Variants in NR5A2 observed in about 807,000 individuals in gnomAD.
NR5A2 encodes nuclear receptor subfamily 5 group A member 2.
A neutral mutation model predicts 62.7 loss-of-function variants in NR5A2; 26 were observed. That is an observed-to-expected ratio of 0.41 (90% CI 0.30 to 0.58). NR5A2 has a LOEUF of 0.58. NR5A2 is among the 20% of genes least tolerant of loss of function. The probability of loss-of-function intolerance (pLI) is 0.22; values close to 1 mark genes in which losing one functional copy is unlikely to be tolerated. For missense variants in NR5A2, 541 were observed against 669.1 expected, an observed-to-expected ratio of 0.81 and a Z score of 2.11; for synonymous variants, 246 against 241.7, an observed-to-expected ratio of 1.02 and a Z score of -0.16.
chr1:200,039,312 A>G lies in NR5A2; in HGVS notation c.65-346A>G, dbSNP rs942621924. ...TGGCAGCGGCACAGCCGGGGCGGCAATAGCAGCCCCGCGGTCGCCTCCGCT... is the reference window on the plus strand; with the variant it reads ...TGGCAGCGGCACAGCCGGGGCGGCAGTAGCAGCCCCGCGGTCGCCTCCGCT... On this transcript the variant is annotated intron_variant, in intron 1 of 7. Transcript: ENST00000367362. This position sits in a 1 kb window ranked among gnomAD's most constrained non-coding sequence, Gnocchi z 5.1. 1.3e-5 allele frequency among the ~76,000 whole-genome samples: 2 copies of G among 151,974 alleles called. No homozygotes were observed. Among genetic ancestry groups the G allele is most frequent in the African/African-American group, 4.8e-5 (2 of 41,410 alleles).
chr1:200,086,760 C>T (rs1434555724), intron 5 of NR5A2, among the ~76,000 whole-genome samples: 2 of 151,998 alleles, frequency 1.3e-5, no homozygotes, highest in African/African-American at 2.4e-5. Context: ...GGGACAAGGC[C>T]GGGCAAGGTG....
Position 200,051,436 on chromosome 1 carries a change from C to T in NR5A2, c.1110+2618C>T, listed in dbSNP as rs183016681. On this transcript the variant is annotated intron_variant, in intron 5 of 7. Transcript: ENST00000367362. ...CATGAGGTTAAATATTTGGCTAAAA[C>T]ATAAATATCTTTGAGAATGGGGCAT... 2.6e-3 allele frequency among the ~76,000 whole-genome samples: 392 copies of T among 152,212 alleles called. 1 individual carries two copies. The highest frequency in any genetic ancestry group is 9.1e-3 in the African/African-American group (380 of 41,540).
At chr1:200,037,141 C>T (rs1174998693) in intron 1 of NR5A2, among the ~76,000 whole-genome samples, 1 of 152,158 alleles carries the variant, frequency 6.6e-6, no homozygotes, top group East Asian at 1.9e-4. Flanking sequence ...CTAAGCAAGT[C>T]CCTTCTGGCC....
intron 1 of NR5A2, among the ~76,000 whole-genome samples, chr1:200,036,458 A>G (rs1195896157): frequency 6.6e-6 from 1 of 152,186 alleles, no homozygotes; most frequent in Non-Finnish European, 1.5e-5. Context: ...GGGAGAAGAA[A>G]GGGTGCACTT....
chr1:200,037,409 T>C (rs1661830997), intron 1 of NR5A2, among the ~76,000 whole-genome samples: 1 of 152,226 alleles, frequency 6.6e-6, no homozygotes, highest in African/African-American at 2.4e-5. Context: ...CTTGCCATGC[T>C]AGGGTCTGGG....
In NR5A2 at chr1:200,076,406, A is replaced by C. The variant is rs992134439; in HGVS notation, c.1110+27588A>C. On this transcript the variant is annotated intron_variant, in intron 5 of 7. Coordinates refer to ENST00000367362, the MANE Select transcript of NR5A2 (RefSeq NM_205860.3). ...TACTATGTGGCAACTTTCCCAAATG[A>C]AATTGTTTGTGGATGGAAAAGAATG... is the stretch of plus-strand genomic sequence containing the variant. 2.0e-4 allele frequency among the ~76,000 whole-genome samples: 31 copies of C among 152,090 alleles called. 1 individual carries two copies. Among genetic ancestry groups the C allele is most frequent in the African/African-American group, 6.8e-4 (28 of 41,402 alleles).
chr1:200,072,516 T>C (rs138751181), intron 5 of NR5A2, among the ~76,000 whole-genome samples: 2 of 152,262 alleles, frequency 1.3e-5, no homozygotes, highest in African/African-American at 4.8e-5. Flanking sequence ...AAAACACCGT[T>C]GTATACCCCT....
At chr1:200,118,033 T>TC in intron 6 of NR5A2, among the ~76,000 whole-genome samples, 1 of 148,508 alleles carries the variant, frequency 6.7e-6, no homozygotes, top group Non-Finnish European at 1.5e-5. Flanking sequence ...TTTTTTTTTT[T>TC]TTTGAGACAG....
At chr1:200,086,851 C>G (rs1664552809) in intron 5 of NR5A2, among the ~76,000 whole-genome samples, 1 of 152,022 alleles carries the variant, frequency 6.6e-6, no homozygotes, top group Non-Finnish European at 1.5e-5. Flanking sequence ...CTAGCCTGAC[C>G]TACATGGTGA....
chr1:200,048,523 A>G lies in NR5A2; in HGVS notation c.815A>G (p.Glu272Gly). ...GHFPSRAIKS[E>G]YPDPYTSSPE... ...TTTCCTAGCCGGGCCATCAAGTCTGAGTACCCAGACCCCTATACCAGCTCA... is the reference window on the plus strand; with the variant it reads ...TTTCCTAGCCGGGCCATCAAGTCTGGGTACCCAGACCCCTATACCAGCTCA... Residue 272 changes from glutamate to glycine, a missense_variant, in exon 5 of 8, where the codon GAG becomes GGG. This residue lies in a region of NR5A2 where 379 missense variants were observed against 442.0 expected (regional missense o/e 0.86). Coordinates refer to ENST00000367362, the MANE Select transcript of NR5A2 (RefSeq NM_205860.3). This position sits in a 1 kb window ranked among gnomAD's most constrained non-coding sequence, Gnocchi z 4.8. The G allele has an allele frequency of 6.2e-7, 1 of 1,614,192 alleles. No homozygotes were observed. Among genetic ancestry groups the G allele is most frequent in the Non-Finnish European group, 8.5e-7 (1 of 1,180,036 alleles).
chr1:200,050,487 C>T (rs978839037), intron 5 of NR5A2, among the ~76,000 whole-genome samples: 4 of 152,294 alleles, frequency 2.6e-5, no homozygotes, highest in Non-Finnish European at 5.9e-5. Context: ...GATGTAACTA[C>T]TTATATTGAG....
chr1:200,125,261 A>G (rs1463028036), intron 7 of NR5A2, among the ~76,000 whole-genome samples: 1 of 152,276 alleles, frequency 6.6e-6, no homozygotes, highest in Non-Finnish European at 1.5e-5. Context: ...ATGTTAAGTA[A>G]TAGTAGTTAA....
intron 1 of NR5A2, among the ~76,000 whole-genome samples, chr1:200,030,856 T>C (rs1309664107): frequency 6.6e-6 from 1 of 152,374 alleles, no homozygotes; most frequent in Middle Eastern, 3.4e-3. Flanking sequence ...AAACACTGTA[T>C]TGAGTCTGTA....
chr1:200,156,544 C>T (rs924785960), intron 7 of NR5A2, among the ~76,000 whole-genome samples: 1 of 151,774 alleles, frequency 6.6e-6, no homozygotes, highest in Admixed American at 6.6e-5. Flanking sequence ...ATTACAGGTG[C>T]CCCCCCACCA....
chr1:200,161,336 C>T (rs1006417506), intron 7 of NR5A2, among the ~76,000 whole-genome samples: 9 of 152,052 alleles, frequency 5.9e-5, no homozygotes, highest in East Asian at 3.8e-4. Context: ...TTTGATTTTC[C>T]GTATATTTTA....
chr1:200,173,427 G>T (rs1056529228), intron 7 of NR5A2, among the ~76,000 whole-genome samples: 2 of 152,316 alleles, frequency 1.3e-5, no homozygotes, highest in African/African-American at 4.8e-5. Context: ...GTACCAGATG[G>T]TTCATTAGCA....
intron 7 of NR5A2, among the ~76,000 whole-genome samples, chr1:200,150,753 C>T (rs972965435): frequency 7.2e-5 from 11 of 152,220 alleles, no homozygotes; most frequent in Non-Finnish European, 8.8e-5. Context: ...AGGCAGAATG[C>T]AGGCCTTCCT....
intron 3 of NR5A2, chr1:200,044,599 G>T (rs1326739025): frequency 2.6e-5 from 4 of 151,154 alleles, no homozygotes; most frequent in Non-Finnish European, 4.4e-5. Context: ...AGTTTTTTTT[G>T]TTTGTTTGTT....
At chr1:200,111,454 G>A in intron 6 of NR5A2, 133 bp downstream of exon 6, 1 of 974,574 alleles carries the variant, frequency 1.0e-6, no homozygotes, top group South Asian at 1.8e-5. Flanking sequence ...ATTTAGAAAA[G>A]ATGACTTGGT....
Sources: gnomAD v4.1 joint callset for allele counts (sites outside exome capture counted in the v4.1 genomes callset) on GRCh38, gnomAD v4.1.1 for gene constraint, gnomAD v4.1.1 regional missense constraint, Gnocchi (gnomAD v3.1) non-coding constraint, MANE v1.5 for transcripts, NCBI Gene and HGNC (gene_info 2026-07-23, HGNC 2026-07-21) for gene names.